Variants in KDM2B observed in about 807,000 individuals in gnomAD.
KDM2B encodes lysine-specific demethylase 2B.
In KDM2B, 26 loss-of-function variants were observed where a neutral mutation model predicts 150.0. The observed-to-expected ratio is 0.17, with a 90% CI of 0.13 to 0.24. KDM2B has a LOEUF of 0.24. Ranked by LOEUF, KDM2B falls within the 10% of genes least tolerant of loss-of-function variation. The pLI, the probability that KDM2B is intolerant of heterozygous loss-of-function variation, is 1.00. For missense variants in KDM2B, 1,265 were observed against 1,816.9 expected (o/e 0.70, Z 5.52); for synonymous variants, 734 against 729.5 (o/e 1.01, Z -0.10).
At chr12:121,528,112 C>T (rs1450931259) in intron 8 of KDM2B, among the ~76,000 whole-genome samples, 1 of 152,250 alleles carries the variant, frequency 6.6e-6, no homozygotes, top group East Asian at 1.9e-4. Flanking sequence ...TTCTCACCTC[C>T]TGCCTCATCA....
chr12:121,579,432 A>T (rs1363648087), intron 1 of KDM2B, among the ~76,000 whole-genome samples: 3 of 151,884 alleles, frequency 2.0e-5, no homozygotes, highest in Admixed American at 1.3e-4. Context: ...CTAAAGCTGG[A>T]GCCGCCCCCG....
At chr12:121,573,878 C>T (rs1476448258) in intron 4 of KDM2B, among the ~76,000 whole-genome samples, 1 of 152,152 alleles carries the variant, frequency 6.6e-6, no homozygotes, top group Non-Finnish European at 1.5e-5. Context: ...TGAGCCACTG[C>T]ACCCGGCCAC....
At chr12:121,581,117 T>C, upstream of KDM2B, 1 of 571,222 alleles carries the variant, frequency 1.8e-6, no homozygotes, top group Non-Finnish European at 2.8e-6. Context: ...TGTGGACTCC[T>C]TTACTAGGCG....
At chr12:121,423,774 G>A in the KDM2B span, 12 of 551,862 alleles carry the variant, frequency 2.2e-5, no homozygotes, top group South Asian at 9.3e-5. This position sits in a 1 kb window ranked among gnomAD's most constrained non-coding sequence, Gnocchi z 4.3. Flanking sequence ...CTGTGGACAC[G>A]TGAGCTTCCC....
At chr12:121,561,267 G>A (rs557269285) in intron 4 of KDM2B, among the ~76,000 whole-genome samples, 2 of 152,268 alleles carry the variant, frequency 1.3e-5, no homozygotes, top group Non-Finnish European at 2.9e-5. Context: ...ACTCCCCAGA[G>A]CCCGGCTCTT....
At chr12:121,478,512 A>G (rs1478679307) in intron 12 of KDM2B, among the ~76,000 whole-genome samples, 1 of 151,744 alleles carries the variant, frequency 6.6e-6, no homozygotes, top group African/African-American at 2.4e-5. Context: ...GGCTCCCGCC[A>G]CTACGCCCAG....
At chr12:121,567,469 G>A (rs1388442401) in intron 4 of KDM2B, among the ~76,000 whole-genome samples, 10 of 152,172 alleles carry the variant, frequency 6.6e-5, no homozygotes, top group Admixed American at 6.5e-4. Context: ...AGCACTTCGC[G>A]ATGGCGAGGC....
At chr12:121,479,845 C>T (rs1881892433) in intron 12 of KDM2B, among the ~76,000 whole-genome samples, 1 of 152,032 alleles carries the variant, frequency 6.6e-6, no homozygotes, top group Non-Finnish European at 1.5e-5. Context: ...TGGTCTTGAA[C>T]TCCTGACCTC....
chr12:121,508,990 A>G (rs80097692), intron 11 of KDM2B, among the ~76,000 whole-genome samples: 5,778 of 152,240 alleles, frequency 0.038, 300 homozygotes, highest in East Asian at 0.22. Flanking sequence ...GTGGGGACTC[A>G]GGTTTCCAAT....
intron 11 of KDM2B, among the ~76,000 whole-genome samples, chr12:121,501,612 T>C (rs914608546): frequency 6.6e-6 from 1 of 151,940 alleles, no homozygotes; most frequent in Non-Finnish European, 1.5e-5. Flanking sequence ...GTATTTTTTG[T>C]TGTTGTTTTT....
At chr12:121,499,805 C>T (rs2140491493) in intron 11 of KDM2B, among the ~76,000 whole-genome samples, 2 of 151,976 alleles carry the variant, frequency 1.3e-5, no homozygotes, top group East Asian at 3.9e-4. Context: ...AAAAAATTAG[C>T]CAGGCATGGT....
intron 7 of KDM2B, among the ~76,000 whole-genome samples, chr12:121,534,229 G>A (rs2141567923): frequency 6.6e-6 from 1 of 151,832 alleles, no homozygotes; most frequent in South Asian, 2.1e-4. Flanking sequence ...GGCACTTGTA[G>A]TCCCAGCTAC....
In KDM2B at chr12:121,527,653, CAAAAA is replaced by C. The variant is rs58304715; in HGVS notation, c.931+5148_931+5152del. On this transcript the variant is annotated intron_variant, in intron 8 of 22. Transcript: ENST00000377071. ...TGGGTGACAGAGGGAGACTCCGTCT[CAAAAA>C]AAAAAAAAAAAAAAAAAAAGTGGGG... 3.4e-3 allele frequency among the ~76,000 whole-genome samples: 202 copies of C among 58,562 alleles called. 2 individuals carry two copies. Among genetic ancestry groups the C allele is most frequent in the African/African-American group, 0.016 (187 of 12,000 alleles). 38.4% of individuals were successfully genotyped at this position (58,562 alleles called of 152,430 possible). A position where few individuals can be genotyped will look rare whatever the true frequency, so the allele number is the denominator to read the frequency against.
chr12:121,493,908 G>A (rs1883633022), intron 12 of KDM2B: 1 of 151,932 alleles, frequency 6.6e-6, no homozygotes, highest in Admixed American at 6.6e-5. Context: ...AGCCCAGACT[G>A]GAGTGCAGTG....
intron 17 of KDM2B, chr12:121,443,409 C>G: frequency 1.7e-6 from 1 of 581,376 alleles, no homozygotes; most frequent in Non-Finnish European, 3.1e-6. Context: ...CACCTTGTGG[C>G]TGGTGACAGC....
chr12:121,530,336 G>C (rs1357027986), intron 8 of KDM2B, among the ~76,000 whole-genome samples: 1 of 151,786 alleles, frequency 6.6e-6, no homozygotes, highest in Non-Finnish European at 1.5e-5. Flanking sequence ...CAAAGTTAAA[G>C]TACTATCCTT....
chr12:121,415,089 T>TC, the KDM2B span, among the ~76,000 whole-genome samples: 51,996 of 151,364 alleles, frequency 0.34, 9,565 homozygotes, highest in East Asian at 0.44. Context: ...AGAGTGAAGT[T>TC]CCATCTCAAG....
rs1033303322 is a variant in KDM2B, at chr12:121,440,808, C to T, written c.3610+8G>A. On this transcript the variant is annotated splice_region_variant and intron_variant, in intron 21 of 22. Coordinates refer to ENST00000377071, the MANE Select transcript of KDM2B (RefSeq NM_032590.5). Reference sequence around the variant, plus strand: ...ACCCCCACAGAAACCCCCAGCCTGGCAACTCACCTGGCCTGTTGTCTGTGG... The same window carrying T: ...ACCCCCACAGAAACCCCCAGCCTGGTAACTCACCTGGCCTGTTGTCTGTGG... The T allele has an allele frequency of 2.1e-5, 33 of 1,599,982 alleles. No homozygotes were observed. Among genetic ancestry groups the T allele is most frequent in the Non-Finnish European group, 2.7e-5 (32 of 1,172,900 alleles).
intron 4 of KDM2B, among the ~76,000 whole-genome samples, chr12:121,565,922 C>T (rs958018792): frequency 7.3e-5 from 11 of 151,298 alleles, no homozygotes; most frequent in South Asian, 2.1e-4. Flanking sequence ...CCACCGTGCC[C>T]GGCCCAGGAA....
Sources: allele counts gnomAD v4.1 joint callset (sites outside exome capture counted in the v4.1 genomes callset), GRCh38; gene constraint gnomAD v4.1.1; non-coding constraint Gnocchi (gnomAD v3.1); transcripts MANE v1.5; gene names NCBI Gene and HGNC (gene_info 2026-07-23, HGNC 2026-07-21).